Variants in UMAD1 observed in about 807,000 individuals in gnomAD.
UMAD1 encodes the protein UBAP1-MVB12-associated (UMA)-domain containing protein 1.
In UMAD1, 8 loss-of-function variants were observed where a neutral mutation model predicts 6.1. That is an observed-to-expected ratio of 1.30 (90% CI 0.76 to 2.35). UMAD1 has a LOEUF of 2.35. Among genes scored for constraint, UMAD1 ranks in the 30% most tolerant of loss-of-function variants. The pLI is 0.00. For missense variants in UMAD1, 130 were observed against 78.4 expected (o/e 1.66, Z -2.49); for synonymous variants, 56 against 31.4 (o/e 1.78, Z -2.61).
chr7:7,684,670 A>G (rs1779996480), intron 2 of UMAD1, among the ~76,000 whole-genome samples: 1 of 152,222 alleles, frequency 6.6e-6, no homozygotes, highest in Non-Finnish European at 1.5e-5. Context: ...TTAATTATAC[A>G]ATGTGAATTC....
chr7:7,877,236 T>G (rs1378670531), intron 3 of UMAD1, 45 bp from the exon 4 acceptor site: 1 of 689,938 alleles, frequency 1.4e-6, no homozygotes, highest in East Asian at 2.7e-5. Flanking sequence ...TTATTCAACC[T>G]CAAAGTTCAC....
intron 2 of UMAD1, among the ~76,000 whole-genome samples, chr7:7,799,133 A>G (rs1782747310): frequency 6.6e-6 from 1 of 152,214 alleles, no homozygotes. Context: ...AATATAGAAA[A>G]TAACTGAATT....
At chr7:7,845,728 G>A (rs1484440165) in intron 3 of UMAD1, among the ~76,000 whole-genome samples, 12 of 152,130 alleles carry the variant, frequency 7.9e-5, no homozygotes, top group Admixed American at 2.0e-4. Flanking sequence ...ATACAGAACC[G>A]TTATGGCAGC....
At chr7:7,781,616 TA>T (rs1782346467) in intron 2 of UMAD1, among the ~76,000 whole-genome samples, 1 of 152,058 alleles carries the variant, frequency 6.6e-6, no homozygotes, top group South Asian at 2.1e-4. Flanking sequence ...TCTTAAAATT[TA>T]AAAATTTTAT....
At chr7:7,680,730 T>G (rs1182503336) in intron 2 of UMAD1, among the ~76,000 whole-genome samples, 1 of 152,104 alleles carries the variant, frequency 6.6e-6, no homozygotes, top group Non-Finnish European at 1.5e-5. Context: ...TTCATCAGTA[T>G]TTTATAATTT....
At chr7:7,650,290 T>C (rs1251575741) in intron 1 of UMAD1, among the ~76,000 whole-genome samples, 2 of 152,244 alleles carry the variant, frequency 1.3e-5, no homozygotes, top group African/African-American at 4.8e-5. Context: ...TCATTTTCTT[T>C]ACTTAATATT....
At chr7:7,690,309 A>G (rs916124858) in intron 2 of UMAD1, among the ~76,000 whole-genome samples, 12 of 152,186 alleles carry the variant, frequency 7.9e-5, no homozygotes, top group Admixed American at 5.9e-4. Flanking sequence ...GAAGTTCAGG[A>G]GAAAAATTGA....
rs1382801288 is a variant in UMAD1, at chr7:7,823,844, G to A, written c.156+22101G>A. ...TAAAGTGATAATATTGATTCGTAAA[G>A]CTAAGAAGACACCTACAGCAAAAAG... On this transcript the variant is annotated intron_variant, in intron 3 of 3. Transcript: ENST00000682710. 2.0e-5 allele frequency among the ~76,000 whole-genome samples: 3 copies of A among 151,980 alleles called. No homozygotes were observed. The East Asian group carries it at 5.8e-4, about 29-fold the overall frequency.
At chr7:7,708,157 C>T (rs1208725789) in intron 2 of UMAD1, among the ~76,000 whole-genome samples, 1 of 152,186 alleles carries the variant, frequency 6.6e-6, no homozygotes, top group Non-Finnish European at 1.5e-5. Flanking sequence ...ACGCCATTAT[C>T]ATCTAAATAG....
intron 2 of UMAD1, among the ~76,000 whole-genome samples, chr7:7,696,792 T>G (rs1460543872): frequency 6.6e-6 from 1 of 152,192 alleles, no homozygotes; most frequent in Non-Finnish European, 1.5e-5. Context: ...GGTAGGGCCC[T>G]GTGAAACCAC....
chr7:7,688,096 C>T (rs932611531), intron 2 of UMAD1, among the ~76,000 whole-genome samples: 1 of 152,144 alleles, frequency 6.6e-6, no homozygotes. Context: ...ATGCAGTGGT[C>T]TGGAAACTTC....
chr7:7,785,683 A>G (rs1414009871), intron 2 of UMAD1, among the ~76,000 whole-genome samples: 5 of 152,204 alleles, frequency 3.3e-5, no homozygotes. Context: ...GAGTAGAGTC[A>G]GTGGCTTTAG....
At chr7:7,713,629 G>T (rs186311577) in intron 2 of UMAD1, among the ~76,000 whole-genome samples, 2 of 150,072 alleles carry the variant, frequency 1.3e-5, no homozygotes, top group East Asian at 2.0e-4. Flanking sequence ...ATTTTCTTTG[G>T]AGTTTATTTT....
rs1780865894 is a variant in UMAD1 at position 7,715,132 on chromosome 7, TATGCACCTTCAGC to T, written c.82+41682_82+41694del. 2 of 152,338 alleles carry T rather than the reference TATGCACCTTCAGC, an allele frequency of 1.3e-5. 1 individual carries two copies. Among genetic ancestry groups the T allele is most frequent in the South Asian group, 4.1e-4 (2 of 4,828 alleles). The allele number at this position is 152,338 out of a possible 1,614,324, so 9.4% of individuals were successfully genotyped here. A position where few individuals can be genotyped will look rare whatever the true frequency, so the allele number is the denominator to read the frequency against. ...GAATTATAGAATATCTCACCATTAA[TATGCACCTTCAGC>T]ATAGAAACAGTTAAAGAAAATAAAC... is the stretch of plus-strand genomic sequence containing the variant. On this transcript the variant is annotated intron_variant, in intron 2 of 3. Transcript: ENST00000682710.
chr7:7,778,290 G>GAGAC (rs1554327297), intron 2 of UMAD1, among the ~76,000 whole-genome samples: 5 of 151,184 alleles, frequency 3.3e-5, no homozygotes, highest in African/African-American at 1.2e-4. Flanking sequence ...GAGAGAGAGA[G>GAGAC]AGAGAGACAG....
At chr7:7,859,467 G>T (rs899559651) in intron 3 of UMAD1, among the ~76,000 whole-genome samples, 1 of 151,922 alleles carries the variant, frequency 6.6e-6, no homozygotes. Flanking sequence ...TCTTTCTATT[G>T]TTACCATTTA....
At chr7:7,875,169 T>C (rs571259827) in intron 3 of UMAD1, among the ~76,000 whole-genome samples, 14 of 152,282 alleles carry the variant, frequency 9.2e-5, no homozygotes, top group Admixed American at 7.8e-4. Flanking sequence ...CGTACCAGAA[T>C]CTCTGGGACA....
intron 3 of UMAD1, among the ~76,000 whole-genome samples, chr7:7,806,321 A>C (rs16871707): frequency 0.014 from 2,178 of 151,936 alleles, 48 homozygotes; most frequent in African/African-American, 0.05. Flanking sequence ...CCCTGTTCTA[A>C]TGTCACTTCC....
intron 1 of UMAD1, among the ~76,000 whole-genome samples, chr7:7,663,803 G>A (rs1038751748): frequency 2.0e-5 from 3 of 152,128 alleles, no homozygotes; most frequent in Non-Finnish European, 4.4e-5. Flanking sequence ...GCATTTTTAT[G>A]GATAGGAATT....
Sources: gnomAD v4.1 joint callset for allele counts (sites outside exome capture counted in the v4.1 genomes callset) on GRCh38, gnomAD v4.1.1 for gene constraint, MANE v1.5 for transcripts, NCBI Gene and HGNC (gene_info 2026-07-23, HGNC 2026-07-21) for gene names.